The following PCSK5 variants were observed in gnomAD, a reference collection of about 807,000 sequenced individuals.
PCSK5 encodes proprotein convertase subtilisin/kexin type 5.
A neutral mutation model predicts 233.2 loss-of-function variants in PCSK5; 129 were observed. The observed-to-expected ratio is 0.55, with a 90% CI of 0.48 to 0.64. The LOEUF is 0.64. PCSK5 is among the 30% of genes least tolerant of loss of function. The pLI is 0.00. For missense variants in PCSK5, 2,076 were observed against 2,430.1 expected (o/e 0.85, Z 3.06); for synonymous variants, 825 against 879.2 (o/e 0.94, Z 1.09).
At chr9:75,937,504 C>T (rs985860160) in intron 2 of PCSK5, among the ~76,000 whole-genome samples, 11 of 152,092 alleles carry the variant, frequency 7.2e-5, no homozygotes, top group African/African-American at 2.7e-4. Context: ...TTCTTAAGGG[C>T]CCTAGGATTT....
intron 12 of PCSK5, among the ~76,000 whole-genome samples, chr9:76,162,176 TCCCAAAACCATGAATGGCCACC>T (rs1442198858): frequency 6.6e-6 from 1 of 152,148 alleles, no homozygotes; most frequent in Non-Finnish European, 1.5e-5. Context: ...CTGCACCCAG[TCCCAAAACCATGAATGGCCACC>T]TTCCAAGGCC....
chr9:76,189,349 A>G (rs1824255825), intron 19 of PCSK5, 126 bp downstream of exon 19: 1 of 812,614 alleles, frequency 1.2e-6, no homozygotes, highest in Non-Finnish European at 2.0e-6. Context: ...GTACCTGTGG[A>G]CACTGTTCTG....
chr9:76,337,129 C>T, intron 34 of PCSK5, among the ~76,000 whole-genome samples: 2 of 68,886 alleles, frequency 2.9e-5, no homozygotes. Flanking sequence ...CTTTAATTGG[C>T]AAATTAGAAG....
chr9:76,075,191 G>C (rs1319734664), intron 7 of PCSK5, among the ~76,000 whole-genome samples: 1 of 152,006 alleles, frequency 6.6e-6, no homozygotes, highest in Non-Finnish European at 1.5e-5. Context: ...CTGCATTCCA[G>C]CCTGGGCAAC....
intron 20 of PCSK5, among the ~76,000 whole-genome samples, chr9:76,218,507 TG>T (rs1479098232): frequency 6.6e-6 from 1 of 151,742 alleles, no homozygotes; most frequent in Non-Finnish European, 1.5e-5. Flanking sequence ...TTAAATTCCT[TG>T]ATCAAATGGA....
intron 5 of PCSK5, among the ~76,000 whole-genome samples, chr9:76,052,129 C>T (rs1041658336): frequency 2.6e-5 from 4 of 152,142 alleles, no homozygotes; most frequent in Non-Finnish European, 5.9e-5. Context: ...GGTCGCATTT[C>T]ATTGTCATGA....
At chr9:76,340,268 T>A (rs1474094746) in intron 35 of PCSK5, among the ~76,000 whole-genome samples, 1 of 152,216 alleles carries the variant, frequency 6.6e-6, no homozygotes, top group Non-Finnish European at 1.5e-5. Flanking sequence ...TAAGTTTTCA[T>A]TCAGTGTTTG....
intron 24 of PCSK5, among the ~76,000 whole-genome samples, chr9:76,247,421 T>G (rs147747264): frequency 0.022 from 3,327 of 152,290 alleles, 103 homozygotes; most frequent in South Asian, 0.12. Flanking sequence ...TGTCCCTCCC[T>G]CTGTGCTCTC....
At chr9:76,322,954 ATC>A (rs1454027539) in intron 31 of PCSK5, 96 bp from the exon 32 acceptor site, 2 of 691,856 alleles carry the variant, frequency 2.9e-6, no homozygotes, top group Admixed American at 2.3e-5. Context: ...CTCAGGTCAA[ATC>A]AACCAAAGTG....
chr9:76,330,134 C>A (rs1485888447), intron 33 of PCSK5, among the ~76,000 whole-genome samples: 1 of 152,112 alleles, frequency 6.6e-6, no homozygotes, highest in Non-Finnish European at 1.5e-5. Flanking sequence ...TATTCAGCTC[C>A]TCATCAAAAT....
rs755997987 is a variant in PCSK5, at chr9:76,179,580, A to C, written c.1901-16A>C. ...AAATCATTTTTCCAAGTATTGTTCT[A>C]ATGTCTTTTGGAAAGGTCCCTGCGA... On this transcript the variant is annotated splice_polypyrimidine_tract_variant and intron_variant, in intron 14 of 37. Transcript: ENST00000674117. The C allele has an allele frequency of 6.3e-7, 1 of 1,588,680 alleles. No homozygotes were observed. Among genetic ancestry groups the C allele is most frequent in the Non-Finnish European group, 8.6e-7 (1 of 1,156,976 alleles).
chr9:76,045,835 T>TCC (rs900358169), intron 5 of PCSK5, among the ~76,000 whole-genome samples: 12 of 152,306 alleles, frequency 7.9e-5, no homozygotes, highest in Middle Eastern at 3.4e-3. Context: ...ATCTGTAACC[T>TCC]AAGGGAATGA....
Position 76,094,256 on chromosome 9 carries a change from T to C in PCSK5, c.895-1634T>C, listed in dbSNP as rs904091635. Reference sequence around the variant, plus strand: ...ACTTTGTTGTCTCTTTTTCTTCGGCTCTTTTTCCAGAAATTCTAAGACAGC... The same window carrying C: ...ACTTTGTTGTCTCTTTTTCTTCGGCCCTTTTTCCAGAAATTCTAAGACAGC... On this transcript the variant is annotated intron_variant, in intron 7 of 37. Transcript: ENST00000674117. 4.6e-5 allele frequency among the ~76,000 whole-genome samples: 7 copies of C among 152,194 alleles called. No individual in the cohort carries two copies. In the South Asian group the frequency reaches 1.4e-3, roughly 32 times the overall value.
At chr9:76,083,944 A>T (rs761762058) in intron 7 of PCSK5, among the ~76,000 whole-genome samples, 1 of 152,370 alleles carries the variant, frequency 6.6e-6, no homozygotes, top group East Asian at 1.9e-4. Context: ...GCTTTTTAAT[A>T]AATGACAGAT....
intron 29 of PCSK5, among the ~76,000 whole-genome samples, chr9:76,310,074 C>A (rs942343801): frequency 2.6e-5 from 4 of 151,880 alleles, no homozygotes; most frequent in African/African-American, 9.7e-5. Flanking sequence ...ATGGTGAAAC[C>A]CCGTGTCTAC....
chr9:76,289,029 C>T (rs1217281079), intron 24 of PCSK5, among the ~76,000 whole-genome samples: 1 of 152,054 alleles, frequency 6.6e-6, no homozygotes, highest in Non-Finnish European at 1.5e-5. Context: ...ACAGTGAGTT[C>T]GTGATGAGTG....
chr9:76,347,373 T>C (rs111857365), intron 35 of PCSK5, among the ~76,000 whole-genome samples: 2 of 152,276 alleles, frequency 1.3e-5, no homozygotes, highest in Non-Finnish European at 2.9e-5. Flanking sequence ...GAAGCAATGA[T>C]AGATGTAGGG....
intron 5 of PCSK5, among the ~76,000 whole-genome samples, chr9:76,066,539 A>G (rs1419755836): frequency 2.0e-5 from 3 of 152,198 alleles, no homozygotes; most frequent in Non-Finnish European, 1.5e-5. Context: ...GCAAAGTTCC[A>G]GGAAAAGAGG....
intron 5 of PCSK5, among the ~76,000 whole-genome samples, chr9:76,044,689 G>C (rs1368811138): frequency 6.6e-6 from 1 of 152,320 alleles, no homozygotes; most frequent in East Asian, 1.9e-4. Context: ...TAATAGCCTA[G>C]TAAGAGAGCT....
Sources: gnomAD v4.1 joint callset for allele counts (sites outside exome capture counted in the v4.1 genomes callset) on GRCh38, gnomAD v4.1.1 for gene constraint, MANE v1.5 for transcripts, NCBI Gene and HGNC (gene_info 2026-07-23, HGNC 2026-07-21) for gene names.